The following TRHDE variants were observed in gnomAD, a reference collection of about 807,000 sequenced individuals.
TRHDE encodes thyrotropin-releasing hormone-degrading ectoenzyme.
In TRHDE, 72 loss-of-function variants were observed where a neutral mutation model predicts 125.7. The observed-to-expected ratio is 0.57, with a 90% CI of 0.47 to 0.70. TRHDE has a LOEUF of 0.70. Among genes scored for constraint, TRHDE ranks in the 30% least tolerant of loss-of-function variants. TRHDE has a pLI of 0.00. For missense variants in TRHDE, 1,110 were observed against 1,327.1 expected, an observed-to-expected ratio of 0.84 and a Z score of 2.54; for synonymous variants, 509 against 509.1, an observed-to-expected ratio of 1.00 and a Z score of 0.00.
chr12:72,512,465 T>TTATATATA (rs1565772090), intron 6 of TRHDE, among the ~76,000 whole-genome samples: 1 of 140,194 alleles, frequency 7.1e-6, no homozygotes, highest in African/African-American at 2.6e-5. Context: ...TATAATATAT[T>TTATATATA]ATATAGTTAT....
At chr12:72,115,204 A>C (rs1403307) in intron 2 of TRHDE, among the ~76,000 whole-genome samples, 149,459 of 149,466 alleles carry the variant, frequency 1, 74,726 homozygotes, top group Middle Eastern at 1. Context: ...TATTTTTGTA[A>C]CCCTTACCAT....
At chr12:72,466,470 G>A (rs1176865949) in intron 3 of TRHDE, among the ~76,000 whole-genome samples, 1 of 152,178 alleles carries the variant, frequency 6.6e-6, no homozygotes, top group East Asian at 1.9e-4. Context: ...GCCTGCTACT[G>A]TTGTTGCCAT....
At chr12:72,555,575 C>G (rs910198505) in intron 7 of TRHDE, among the ~76,000 whole-genome samples, 6 of 152,078 alleles carry the variant, frequency 3.9e-5, no homozygotes, top group Admixed American at 1.3e-4. Context: ...ATTTGTTACT[C>G]ATTTTTACTT....
chr12:72,656,865 T>C (rs1874726071), intron 17 of TRHDE, 62 bp from the exon 18 acceptor site: 1 of 1,133,042 alleles, frequency 8.8e-7, no homozygotes, highest in Non-Finnish European at 1.3e-6. Context: ...AAAAAATCTT[T>C]ATAGTAATAT....
rs116873947 is a variant in TRHDE at position 72,218,474 on chromosome 12, C to T, written n.279+112722C>T. ...TTCTCATTCTTCAATTTGAATAACC[C>T]CATGTATTAGTTTCTTAAGGTTGCT... On this transcript the variant is annotated intron_variant and non_coding_transcript_variant, in intron 2 of 4. Coordinates refer to the TRHDE transcript ENST00000548156. Among the ~76,000 whole-genome samples the T allele has an allele frequency of 1.9e-3, 292 of 152,008 alleles. 2 individuals carry two copies. The East Asian group carries it at 0.024, about 12-fold the overall frequency.
intron 2 of TRHDE, among the ~76,000 whole-genome samples, chr12:72,172,652 G>A (rs1042199395): frequency 3.9e-5 from 6 of 152,144 alleles, no homozygotes; most frequent in Non-Finnish European, 8.8e-5. Context: ...TACAGGAGAT[G>A]AAAGTGACAT....
Position 72,222,544 on chromosome 12 carries a change from G to T in TRHDE, n.279+116792G>T, listed in dbSNP as rs1592489586. Among the ~76,000 whole-genome samples, 2 of 152,064 alleles carry T rather than the reference G, an allele frequency of 1.3e-5. 1 individual carries two copies. Among genetic ancestry groups the T allele is most frequent in the South Asian group, 4.1e-4 (2 of 4,830 alleles). On this transcript the variant is annotated intron_variant and non_coding_transcript_variant, in intron 2 of 4. Transcript: ENST00000548156. The stretch of plus-strand genomic sequence containing the variant: ...TCTGATTTGTTATGTCTGGGGATAA[G>T]AGGATGAGAATTTGCATTTCTGGTA...
At chr12:72,616,087 C>T (rs374739070) in intron 12 of TRHDE, among the ~76,000 whole-genome samples, 2 of 152,156 alleles carry the variant, frequency 1.3e-5, no homozygotes, top group African/African-American at 2.4e-5. Context: ...GAGCAGTTAG[C>T]GATTTCTGCC....
At chr12:72,556,667 C>T (rs1184883404) in intron 7 of TRHDE, among the ~76,000 whole-genome samples, 1 of 152,156 alleles carries the variant, frequency 6.6e-6, no homozygotes, top group East Asian at 1.9e-4. Context: ...TTGCCTTCTT[C>T]CCAGATTCCA....
rs576777392 is a variant in TRHDE, at chr12:72,339,573, G to A, written c.1189-38422G>A. 2.0e-5 allele frequency among the ~76,000 whole-genome samples: 3 copies of A among 152,172 alleles called. No individual in the cohort carries two copies. In the South Asian group the frequency reaches 6.2e-4, roughly 32 times the overall value. On this transcript the variant is annotated intron_variant, in intron 2 of 18. Coordinates refer to ENST00000261180, the MANE Select transcript of TRHDE (RefSeq NM_013381.3). The stretch of plus-strand genomic sequence containing the variant: ...TATCTAGCAGGATTTTGCTCTCATA[G>A]TTATGTTTCCAATGAGCATCTTCTA...
intron 2 of TRHDE, among the ~76,000 whole-genome samples, chr12:72,205,334 T>G (rs77331895): frequency 6.7e-6 from 1 of 149,506 alleles, no homozygotes; most frequent in Admixed American, 6.7e-5. Flanking sequence ...AAAGCACTGT[T>G]TTTTTTTTTT....
intron 2 of TRHDE, among the ~76,000 whole-genome samples, chr12:72,150,053 A>G (rs1259051275): frequency 6.6e-6 from 1 of 152,194 alleles, no homozygotes; most frequent in Non-Finnish European, 1.5e-5. Context: ...TGTGCCAGAC[A>G]TTATTCTAGG....
intron 3 of TRHDE, among the ~76,000 whole-genome samples, chr12:72,407,068 T>C (rs2135809350): frequency 6.6e-6 from 1 of 152,298 alleles, no homozygotes; most frequent in South Asian, 2.1e-4. Context: ...TTTGGGAGGA[T>C]GAGTTGTCAC....
At chr12:72,278,554 C>A (rs1879576771) in intron 1 of TRHDE, among the ~76,000 whole-genome samples, 1 of 152,132 alleles carries the variant, frequency 6.6e-6, no homozygotes. Flanking sequence ...ATAGTGTACT[C>A]ATTTTCACCA....
At chr12:72,626,776 A>T (rs1315246654) in intron 15 of TRHDE, among the ~76,000 whole-genome samples, 2 of 151,810 alleles carry the variant, frequency 1.3e-5, no homozygotes, top group Non-Finnish European at 1.5e-5. Context: ...TGCTTTTCTT[A>T]TGTGAGAACA....
chr12:72,166,376 C>T (rs941542885), intron 2 of TRHDE, among the ~76,000 whole-genome samples: 2 of 151,884 alleles, frequency 1.3e-5, no homozygotes, highest in Non-Finnish European at 2.9e-5. Flanking sequence ...TATACACATA[C>T]ATATATCTAT....
At chr12:72,607,198 C>T (rs550155312) in intron 12 of TRHDE, among the ~76,000 whole-genome samples, 70 of 152,192 alleles carry the variant, frequency 4.6e-4, no homozygotes, top group East Asian at 1.2e-3. Flanking sequence ...TAATTGCATC[C>T]GCACTGTGCA....
chr12:72,168,013 CAGAG>C (rs1216397023), intron 2 of TRHDE, among the ~76,000 whole-genome samples: 1 of 152,030 alleles, frequency 6.6e-6, no homozygotes, highest in Non-Finnish European at 1.5e-5. Context: ...AAGGGAGAAA[CAGAG>C]AGAGGAGTAT....
rs1181534445 is a variant in TRHDE, at chr12:72,664,464, G to A, written c.*1269G>A. On this transcript the variant is annotated 3_prime_UTR_variant, in exon 19 of 19. Coordinates refer to ENST00000261180, the MANE Select transcript of TRHDE (RefSeq NM_013381.3). ...TCCTTTTCTTGTGTTAATGTACAAA[G>A]CTTTTCTTTTGGCACTGACAACTGT... 1 of 152,456 alleles carries A rather than the reference G, an allele frequency of 6.6e-6. No homozygotes were observed. Among genetic ancestry groups the A allele is most frequent in the African/African-American group, 2.4e-5 (1 of 41,420 alleles). The allele number at this position is 152,456 out of a possible 1,614,324, so 9.4% of individuals were successfully genotyped here. A position where few individuals can be genotyped will look rare whatever the true frequency, so the allele number is the denominator to read the frequency against.
Sources: allele counts gnomAD v4.1 joint callset (sites outside exome capture counted in the v4.1 genomes callset), GRCh38; gene constraint gnomAD v4.1.1; transcripts MANE v1.5; gene names NCBI Gene and HGNC (gene_info 2026-07-23, HGNC 2026-07-21).